The following AFF2 variants were observed in gnomAD, a reference collection of about 807,000 sequenced individuals.
The protein encoded by AFF2 is ALF transcription elongation factor 2.
In AFF2, 14 loss-of-function variants were observed where a neutral mutation model predicts 76.9. The observed-to-expected ratio is 0.18, with a 90% CI of 0.12 to 0.28. The LOEUF (loss-of-function observed/expected upper bound fraction) is 0.28, where lower values mean the gene tolerates loss of function less well. Among genes scored for constraint, AFF2 ranks in the 10% least tolerant of loss-of-function variants. The pLI is 1.00. For synonymous variants in AFF2, 398 were observed against 366.7 expected, an observed-to-expected ratio of 1.09 and a Z score of -0.98; for missense variants, 868 against 1,001.1, an observed-to-expected ratio of 0.87 and a Z score of 1.79.
At chrX:148,936,466 C>T (rs1329951332) in intron 9 of AFF2, among the ~76,000 whole-genome samples, 1 of 112,329 alleles carries the variant, frequency 8.9e-6, no homozygotes, top group Non-Finnish European at 1.9e-5. Context: ...CACTACTCTG[C>T]TTCACCATGA....
intron 7 of AFF2, among the ~76,000 whole-genome samples, chrX:148,878,534 G>T (rs1557278129): frequency 1.8e-5 from 2 of 111,767 alleles, no homozygotes; most frequent in Non-Finnish European, 3.8e-5. Flanking sequence ...GGTCTTGAAT[G>T]AATTCCTATT....
chrX:148,675,689 G>C (rs1557259417), intron 3 of AFF2, among the ~76,000 whole-genome samples: 1 of 109,490 alleles, frequency 9.1e-6, no homozygotes, highest in Non-Finnish European at 1.9e-5. Flanking sequence ...TTGTGCATCT[G>C]CTGGATATGG....
intron 1 of AFF2, among the ~76,000 whole-genome samples, chrX:148,570,173 G>A (rs1457879063): frequency 8.9e-6 from 1 of 111,882 alleles, no homozygotes; most frequent in Non-Finnish European, 1.9e-5. Context: ...ACTTTGAACC[G>A]TACAAGCTAC....
chrX:148,605,880 G>A (rs1200192639), intron 1 of AFF2, among the ~76,000 whole-genome samples: 1 of 112,091 alleles, frequency 8.9e-6, no homozygotes, highest in Non-Finnish European at 1.9e-5. Context: ...TGTAATTATC[G>A]CAGGCAAGTT....
At chrX:148,761,125 T>C (rs1557267226) in intron 3 of AFF2, among the ~76,000 whole-genome samples, 4 of 111,851 alleles carry the variant, frequency 3.6e-5, no homozygotes, top group Non-Finnish European at 7.5e-5. Context: ...GTTGTGACAA[T>C]CAAGGGTTAT....
intron 3 of AFF2, among the ~76,000 whole-genome samples, chrX:148,687,901 A>G (rs1179111875): frequency 9.0e-6 from 1 of 110,518 alleles, no homozygotes; most frequent in African/African-American, 3.3e-5. Context: ...TAGACATCAG[A>G]TATGTATATG....
intron 3 of AFF2, among the ~76,000 whole-genome samples, chrX:148,709,716 G>C (rs2054939200): frequency 8.9e-6 from 1 of 111,752 alleles, no homozygotes; most frequent in Non-Finnish European, 1.9e-5. Context: ...CGGTAGAAAG[G>C]GTAGCATACT....
chrX:148,608,144 A>G (rs1003772509), intron 1 of AFF2, among the ~76,000 whole-genome samples: 4 of 111,849 alleles, frequency 3.6e-5, no homozygotes, highest in Non-Finnish European at 7.5e-5. Flanking sequence ...GTAAAAAGGG[A>G]CAAAAAAGCC....
intron 2 of AFF2, among the ~76,000 whole-genome samples, chrX:148,656,690 C>T (rs1289738972): frequency 9.4e-6 from 1 of 106,741 alleles, no homozygotes; most frequent in Non-Finnish European, 1.9e-5. Flanking sequence ...TTAGTAGAGA[C>T]GGGGTTTCAC....
chrX:148,701,011 A>AGT (rs10675199), intron 3 of AFF2, among the ~76,000 whole-genome samples: 29 of 61,075 alleles, frequency 4.7e-4, no homozygotes, highest in Non-Finnish European at 7.3e-4. Context: ...AGAGAGAGAG[A>AGT]ATGTGTGTGT....
chrX:148,832,446 T>G (rs2070466190), intron 4 of AFF2, among the ~76,000 whole-genome samples: 2 of 112,312 alleles, frequency 1.8e-5, no homozygotes, highest in Non-Finnish European at 3.8e-5. Flanking sequence ...TTTATTACGT[T>G]CTTGGTATTT....
At chrX:148,705,621 A>G (rs1384018585) in intron 3 of AFF2, among the ~76,000 whole-genome samples, 7 of 111,945 alleles carry the variant, frequency 6.3e-5, no homozygotes, top group African/African-American at 1.9e-4. Flanking sequence ...TTTTCATCAT[A>G]TATCTGACAG....
At chrX:148,675,502 C>G in intron 3 of AFF2, among the ~76,000 whole-genome samples, 1 of 110,678 alleles carries the variant, frequency 9.0e-6, no homozygotes, top group Non-Finnish European at 1.9e-5. Flanking sequence ...AGTCACTGTT[C>G]TCATAGAAAA....
chrX:148,594,524 T>TC (rs1338725987), intron 1 of AFF2, among the ~76,000 whole-genome samples: 1 of 111,251 alleles, frequency 9.0e-6, no homozygotes, highest in African/African-American at 3.3e-5. Context: ...ATTTTTTTTT[T>TC]TTAAAGAAAC....
chrX:148,668,394 G>A (rs1235978556), intron 3 of AFF2, among the ~76,000 whole-genome samples: 1 of 112,728 alleles, frequency 8.9e-6, no homozygotes, highest in South Asian at 3.6e-4. Context: ...ACTAGGTGGT[G>A]CCCCAACAGG....
chrX:148,943,988 T>C (rs1194579801), intron 9 of AFF2, among the ~76,000 whole-genome samples: 1 of 111,879 alleles, frequency 8.9e-6, no homozygotes, highest in African/African-American at 3.3e-5. Context: ...TAAGGAGAGA[T>C]TGGAAGAGCA....
chrX:148,883,427 T>C (rs182236850), intron 7 of AFF2, among the ~76,000 whole-genome samples: 2 of 111,624 alleles, frequency 1.8e-5, no homozygotes, highest in Admixed American at 9.5e-5. Context: ...TTCACATGCA[T>C]TAGCTCCTGT....
At chrX:148,616,138 C>T (rs897746100) in intron 1 of AFF2, among the ~76,000 whole-genome samples, 1 of 111,272 alleles carries the variant, frequency 9.0e-6, no homozygotes, top group African/African-American at 3.3e-5. Context: ...CCTCAATGAG[C>T]GAGGGGGTGG....
intron 7 of AFF2, among the ~76,000 whole-genome samples, chrX:148,862,450 G>A (rs2070859535): frequency 9.0e-6 from 1 of 111,450 alleles, no homozygotes; most frequent in Non-Finnish European, 1.9e-5. Flanking sequence ...AAAATGATGG[G>A]AGGAGGTGAT....
Sources: allele counts gnomAD v4.1 joint callset (sites outside exome capture counted in the v4.1 genomes callset), GRCh38; gene constraint gnomAD v4.1.1; transcripts MANE v1.5; gene names NCBI Gene and HGNC (gene_info 2026-07-23, HGNC 2026-07-21).